The following GIPC1 variants were observed in gnomAD, a reference collection of about 807,000 sequenced individuals.
The protein encoded by GIPC1 is PDZ domain-containing protein GIPC1.
In GIPC1, 15 loss-of-function variants were observed where a neutral mutation model predicts 28.5. The observed-to-expected ratio is 0.53, with a 90% CI of 0.35 to 0.81. The LOEUF is 0.81. Among genes scored for constraint, GIPC1 ranks in the 30% least tolerant of loss-of-function variants. The pLI is 0.01. For synonymous variants in GIPC1, 224 were observed against 206.1 expected (o/e 1.09, Z -0.74); for missense variants, 439 against 481.9 (o/e 0.91, Z 0.83).
chr19:14,495,870 ACCCCCGCTTCCCCTGGGAAGGGG>A (rs2072065804), intron 1 of GIPC1, among the ~76,000 whole-genome samples, 144 bp downstream of exon 1: 1 of 54,246 alleles, frequency 1.8e-5, no homozygotes, highest in South Asian at 6.3e-4. Flanking sequence ...ACCACCCCCC[ACCCCCGCTTCCCCTGGGAAGGGG>A]CCTCCGGCAT....
rs373615574 is a variant in GIPC1 at position 14,486,282 on chromosome 19, C to T, written c.-30-3276G>A. 7.2e-5 allele frequency among the ~76,000 whole-genome samples: 11 copies of T among 152,312 alleles called. No homozygotes were observed. The East Asian group carries it at 1.2e-3, about 16-fold the overall frequency. On this transcript the variant is annotated intron_variant, in intron 3 of 8. Transcript: ENST00000393033. Reference sequence around the variant, plus strand: ...AGAAAATGGAGGCTGAAAGCGACTACGCTTCTATTTTCCTCTCAGCCACAG... The same window carrying T: ...AGAAAATGGAGGCTGAAAGCGACTATGCTTCTATTTTCCTCTCAGCCACAG...
intron 6 of GIPC1, 192 bp downstream of exon 6, chr19:14,480,113 G>C (rs1054788351): frequency 3.3e-6 from 2 of 601,936 alleles, no homozygotes; most frequent in Admixed American, 2.9e-5. Context: ...CCTCGCCCCC[G>C]CCCTTCTCCC....
intron 3 of GIPC1, chr19:14,483,410 C>T (rs551536485): frequency 3.7e-4 from 63 of 171,780 alleles, no homozygotes; most frequent in Admixed American, 7.1e-4. Flanking sequence ...GACCCAAGAT[C>T]GCACCACTGC....
In GIPC1 at chr19:14,478,135, C is replaced by T. The variant is rs144857802; in HGVS notation, c.*281G>A. ...GGAAAGTGGTGGAGGCGGGGGTGGC[C>T]GCCCAATTTGGCTGATCCCTCCCCT... is the stretch of plus-strand genomic sequence containing the variant. On this transcript the variant is annotated 3_prime_UTR_variant, in exon 9 of 9. Transcript: ENST00000393033. The surrounding 1 kb of genome is among the most constrained non-coding windows in gnomAD (Gnocchi z 5.2). 6.3e-3 allele frequency: 2,544 copies of T among 404,862 alleles called. 59 individuals carry two copies. The highest frequency in any genetic ancestry group is 0.045 in the African/African-American group (2,244 of 50,018). The allele number at this position is 404,862 out of a possible 1,614,324, so 25.1% of individuals were successfully genotyped here.
chr19:14,481,710 A>C (rs2071733005), intron 4 of GIPC1: 1 of 122,774 alleles, frequency 8.1e-6, no homozygotes, highest in Admixed American at 9.6e-5. Flanking sequence ...ACAGAGCAAG[A>C]CTCCATCTCA....
chr19:14,480,808 T>TCC (rs747915225), intron 4 of GIPC1, 30 bp from the exon 5 acceptor site: 1 of 1,462,572 alleles, frequency 6.8e-7, no homozygotes. Context: ...TGAAACCTCT[T>TCC]CCCCCTCCCT....
chr19:14,480,299 C>A lies in GIPC1; in HGVS notation c.655+6G>T. 1 of 1,608,842 alleles carries A rather than the reference C, an allele frequency of 6.2e-7. No homozygotes were observed. Among genetic ancestry groups the A allele is most frequent in the South Asian group, 1.1e-5 (1 of 90,976 alleles). On this transcript the variant is annotated splice_donor_region_variant and intron_variant, in intron 6 of 8. Transcript: ENST00000393033. Reference sequence around the variant, plus strand: ...CACTGGGGAGGTCCAGGGGGCGGCTCCTCACCGAAGGCCTTGCGAGGCTCC... The same window carrying A: ...CACTGGGGAGGTCCAGGGGGCGGCTACTCACCGAAGGCCTTGCGAGGCTCC...
Position 14,482,780 on chromosome 19 carries a change from TGGGCCAGCTGGGTGTGGAACACGAGGCG to T in GIPC1, c.169_196del (p.Arg57MetfsTer32). 1 of 1,608,158 alleles carries T rather than the reference TGGGCCAGCTGGGTGTGGAACACGAGGCG, an allele frequency of 6.2e-7. No homozygotes were observed. Among genetic ancestry groups the T allele is most frequent in the Non-Finnish European group, 8.5e-7 (1 of 1,178,244 alleles). On this transcript the variant is annotated frameshift_variant, in exon 4 of 9. Coordinates refer to ENST00000393033, the MANE Select transcript of GIPC1 (RefSeq NM_005716.4). LOFTEE classifies it high-confidence loss of function. The stretch of plus-strand genomic sequence containing the variant: ...CTCGATGCGGCCAGTGGGACTGCCA[TGGGCCAGCTGGGTGTGGAACACGAGGCG>T]GGGCCGCAGGGCTGGGGGAGGGGGG...
chr19:14,478,419 G>A lies in GIPC1; in HGVS notation c.999C>T (p.Tyr333=). 1.9e-6 allele frequency: 3 copies of A among 1,606,990 alleles called. No individual in the cohort carries two copies. Among genetic ancestry groups the A allele is most frequent in the Non-Finnish European group, 2.5e-6 (3 of 1,177,146 alleles). The change falls in exon 9 of 9, where the codon TAC becomes TAT. Residue 333 remains tyrosine, a synonymous_variant. Transcript: ENST00000393033. This position sits in a 1 kb window ranked among gnomAD's most constrained non-coding sequence, Gnocchi z 5.2. ...ATCGCAGGGTCCGGGGGCAGTCCTAGTAGCGGCCGACCTTGGCGTCCCCAA... is the reference window on the plus strand; with the variant it reads ...ATCGCAGGGTCCGGGGGCAGTCCTAATAGCGGCCGACCTTGGCGTCCCCAA... ...GAIGDAKVGR[Y]
At position 14,478,409 on chromosome 19, in the gene GIPC1, G is replaced by C. The variant is rs1342937433; in HGVS notation, c.*7C>G. 3.1e-6 allele frequency: 5 copies of C among 1,603,796 alleles called. No individual in the cohort carries two copies. The Admixed American group carries it at 8.6e-5, about 27-fold the overall frequency. ...CCGGGTCATCATCGCAGGGTCCGGG[G>C]GCAGTCCTAGTAGCGGCCGACCTTG... On this transcript the variant is annotated 3_prime_UTR_variant, in exon 9 of 9. Transcript: ENST00000393033. The surrounding 1 kb of genome is among the most constrained non-coding windows in gnomAD (Gnocchi z 5.2).
intron 7 of GIPC1, among the ~76,000 whole-genome samples, chr19:14,479,153 C>A (rs1474444630): frequency 1.3e-5 from 2 of 152,074 alleles, no homozygotes; most frequent in Non-Finnish European, 2.9e-5. Flanking sequence ...GAGACCAACT[C>A]CTGGCCTGGC....
intron 7 of GIPC1, 57 bp downstream of exon 7, chr19:14,479,352 CAAA>C (rs756237132): frequency 8.1e-4 from 486 of 597,760 alleles, no homozygotes; most frequent in South Asian, 2.7e-3. Flanking sequence ...GACTCTGTCT[CAAA>C]AAAAAAAAAA....
At chr19:14,495,770 G>C (rs1321337568) in intron 1 of GIPC1, among the ~76,000 whole-genome samples, 1 of 152,058 alleles carries the variant, frequency 6.6e-6, no homozygotes, top group Non-Finnish European at 1.5e-5. Flanking sequence ...AGTCCAGCCG[G>C]GGGACGGGGG....
At chr19:14,489,391 A>G (rs2071915583) in intron 3 of GIPC1, 1 of 789,292 alleles carries the variant, frequency 1.3e-6, no homozygotes. Context: ...ATACACCATG[A>G]GCAAAGCTCA....
In GIPC1 at chr19:14,479,500, C is replaced by T; in HGVS notation, c.680G>A (p.Gly227Asp). The change falls in exon 7 of 9, where the codon GGT (glycine) becomes GAT (aspartate). Residue 227 changes from glycine to aspartate, a missense_variant. Physicochemically the swap from Gly to Asp is moderately conservative, Grantham distance 94. Coordinates refer to ENST00000393033, the MANE Select transcript of GIPC1 (RefSeq NM_005716.4). ...TTGTGGGCCAGAGCCAGGGCGGCCACCCGCTGAACGCTGGCTGATCATGTC... is the reference window on the plus strand; with the variant it reads ...TTGTGGGCCAGAGCCAGGGCGGCCATCCGCTGAACGCTGGCTGATCATGTC... Reference protein sequence around the residue: ...AFDMISQRSAGGRPGSGPQLG... With the variant: ...AFDMISQRSADGRPGSGPQLG... 1.4e-6 allele frequency: 2 copies of T among 1,443,366 alleles called. No individual in the cohort carries two copies. Among genetic ancestry groups the T allele is most frequent in the African/African-American group, 3.0e-5 (2 of 66,536 alleles). The allele number at this position is 1,443,366 out of a possible 1,614,324, so 89.4% of individuals were successfully genotyped here.
chr19:14,488,342 T>C (rs1199849173), intron 3 of GIPC1, among the ~76,000 whole-genome samples: 1 of 151,508 alleles, frequency 6.6e-6, no homozygotes, highest in African/African-American at 2.4e-5. Flanking sequence ...TCCCAGCTAC[T>C]CGGGAAGCTG....
At position 14,478,449 on chromosome 19, in the gene GIPC1, G is replaced by T; in HGVS notation, c.969C>A (p.Gly323=). 6 of 1,611,778 alleles carry T rather than the reference G, an allele frequency of 3.7e-6. No homozygotes were observed. Among genetic ancestry groups the T allele is most frequent in the Non-Finnish European group, 5.1e-6 (6 of 1,179,176 alleles). ...GGCCGACCTTGGCGTCCCCAATGGC[G>T]CCCCAGACGTCAAAGACGAACTCGT... The part of the protein sequence containing the change: ...FPDEFVFDVW[G]AIGDAKVGRY The change falls in exon 9 of 9, where the codon GGC becomes GGA. Residue 323 remains glycine (G), a synonymous_variant. Coordinates refer to ENST00000393033, the MANE Select transcript of GIPC1 (RefSeq NM_005716.4). This position sits in a 1 kb window ranked among gnomAD's most constrained non-coding sequence, Gnocchi z 5.2.
In GIPC1 at chr19:14,478,209, GC is replaced by G; in HGVS notation, c.*206del. On this transcript the variant is annotated 3_prime_UTR_variant, in exon 9 of 9. Transcript: ENST00000393033. The surrounding 1 kb of genome is among the most constrained non-coding windows in gnomAD (Gnocchi z 5.2). ...TAGGTGGGGAACAGGGCACAGGGGG[GC>G]CGGGGACCCCGGCCAGACTGGGAAC... 1 of 565,880 alleles carries G rather than the reference GC, an allele frequency of 1.8e-6. No homozygotes were observed. Among genetic ancestry groups the G allele is most frequent in the Non-Finnish European group, 3.1e-6 (1 of 323,220 alleles). The allele number at this position is 565,880 out of a possible 1,614,324, so 35.1% of individuals were successfully genotyped here.
intron 3 of GIPC1, among the ~76,000 whole-genome samples, chr19:14,484,503 T>C (rs577879992): frequency 1.7e-3 from 251 of 150,772 alleles, no homozygotes; most frequent in African/African-American, 5.9e-3. Flanking sequence ...CCCAGCACTT[T>C]GGGAGGCTGA....
Sources: gnomAD v4.1 joint callset for allele counts (sites outside exome capture counted in the v4.1 genomes callset) on GRCh38, gnomAD v4.1.1 for gene constraint, Gnocchi (gnomAD v3.1) non-coding constraint, MANE v1.5 for transcripts, NCBI Gene and HGNC (gene_info 2026-07-23, HGNC 2026-07-21) for gene names.